Variants in TIAM1 observed in about 807,000 individuals in gnomAD.
TIAM1 encodes the protein TIAM Rac1 associated GEF 1, also known as rho guanine nucleotide exchange factor TIAM1.
Under a neutral mutation model 163.5 loss-of-function variants are expected in TIAM1, and 65 were observed. That is an observed-to-expected ratio of 0.40 (90% confidence interval 0.33 to 0.49). The LOEUF (loss-of-function observed/expected upper bound fraction) is 0.49, where lower values mean the gene tolerates loss of function less well. Ranked by LOEUF, TIAM1 falls within the 20% of genes least tolerant of loss-of-function variation. The pLI is 0.77. For missense variants in TIAM1, 1,789 were observed against 2,044.7 expected, an observed-to-expected ratio of 0.87 and a Z score of 2.41; for synonymous variants, 833 against 810.1, an observed-to-expected ratio of 1.03 and a Z score of -0.48.
At chr21:31,235,149 G>C (rs1367797333) in intron 6 of TIAM1, among the ~76,000 whole-genome samples, 2 of 152,118 alleles carry the variant, frequency 1.3e-5, no homozygotes, top group Non-Finnish European at 2.9e-5. Flanking sequence ...ATGTGCCAGG[G>C]GAGGGCAGGC....
chr21:31,372,871 C>G (rs2076619698), intron 2 of TIAM1, among the ~76,000 whole-genome samples: 1 of 151,930 alleles, frequency 6.6e-6, no homozygotes, highest in Admixed American at 6.5e-5. Context: ...GCTTGACCAA[C>G]ATGAAGAAAC....
chr21:31,403,314 A>AT (rs1473367964), intron 2 of TIAM1, among the ~76,000 whole-genome samples: 1 of 151,974 alleles, frequency 6.6e-6, no homozygotes, highest in Non-Finnish European at 1.5e-5. Context: ...CACCCGGCTA[A>AT]TTTTTTGTAT....
intron 15 of TIAM1, among the ~76,000 whole-genome samples, chr21:31,179,894 A>G (rs956650654): frequency 8.7e-4 from 131 of 150,518 alleles, no homozygotes; most frequent in African/African-American, 3.1e-3. Context: ...GTACATATAC[A>G]TACACAGATT....
At chr21:31,375,488 G>C (rs1277636707) in intron 2 of TIAM1, among the ~76,000 whole-genome samples, 2 of 368 alleles carry the variant, frequency 5.4e-3, no homozygotes, top group Non-Finnish European at 0.011. Context: ...TTTCCCCTTC[G>C]TCCACCTTTC....
chr21:31,485,643 C>G (rs749221515), intron 1 of TIAM1, among the ~76,000 whole-genome samples: 1 of 152,148 alleles, frequency 6.6e-6, no homozygotes, highest in Non-Finnish European at 1.5e-5. Context: ...TCAGAGACAG[C>G]CTGCCCTCTA....
intron 15 of TIAM1, among the ~76,000 whole-genome samples, chr21:31,167,440 A>G (rs1182595793): frequency 6.6e-6 from 1 of 152,204 alleles, no homozygotes; most frequent in Non-Finnish European, 1.5e-5. Context: ...GCAAACAAAT[A>G]AATCTACAAA....
At chr21:31,513,980 C>G (rs2047298120) in intron 1 of TIAM1, among the ~76,000 whole-genome samples, 1 of 152,140 alleles carries the variant, frequency 6.6e-6, no homozygotes, top group African/African-American at 2.4e-5. Context: ...GCACTCCAGC[C>G]TGAGCAACAA....
At chr21:31,501,367 T>C (rs1785704464) in intron 1 of TIAM1, among the ~76,000 whole-genome samples, 1 of 151,928 alleles carries the variant, frequency 6.6e-6, no homozygotes, top group Non-Finnish European at 1.5e-5. Flanking sequence ...CACAGGTCAA[T>C]CAGGATGGAA....
chr21:31,285,050 TA>T (rs1236130365), intron 2 of TIAM1, among the ~76,000 whole-genome samples: 3 of 152,186 alleles, frequency 2.0e-5, no homozygotes, highest in Non-Finnish European at 4.4e-5. Context: ...TGGCTTCCCC[TA>T]ACCTGTTCCC....
chr21:31,499,735 A>G (rs2046786663), intron 1 of TIAM1, among the ~76,000 whole-genome samples: 1 of 152,020 alleles, frequency 6.6e-6, no homozygotes, highest in African/African-American at 2.4e-5. Flanking sequence ...CTGTAATCCC[A>G]CCTACTCAGG....
At chr21:31,359,532 C>T (rs1288980136) in intron 2 of TIAM1, among the ~76,000 whole-genome samples, 6 of 152,146 alleles carry the variant, frequency 3.9e-5, no homozygotes, top group Non-Finnish European at 8.8e-5. Flanking sequence ...TGGTGGCTCA[C>T]GCTTGTAATC....
At chr21:31,490,164 T>C (rs2046417913) in intron 1 of TIAM1, among the ~76,000 whole-genome samples, 2 of 151,668 alleles carry the variant, frequency 1.3e-5, no homozygotes, top group African/African-American at 4.9e-5. Flanking sequence ...GTTATTATTC[T>C]TGTTAACTCA....
chr21:31,371,868 G>A lies in TIAM1; in HGVS notation c.-368-32446C>T, dbSNP rs139169566. Reference sequence around the variant, plus strand: ...TCAGACTCATTCACCCCTTCAGCCCGGCTGAGTCAAAGGAAATTCTCAAGG... The same window carrying A: ...TCAGACTCATTCACCCCTTCAGCCCAGCTGAGTCAAAGGAAATTCTCAAGG... On this transcript the variant is annotated intron_variant, in intron 2 of 28. Transcript: ENST00000286827. 9.2e-5 allele frequency among the ~76,000 whole-genome samples: 14 copies of A among 152,246 alleles called. No individual in the cohort carries two copies. The East Asian group carries it at 2.3e-3, about 25-fold the overall frequency.
rs1276121221 is a variant in TIAM1 at position 31,276,762 on chromosome 21, C to G, written c.-42G>C. ...AAGGCAACAGTGGTCCCCAGCCCAA[C>G]TTGCTCCAAGAGCACTGTGGCATTT... On this transcript the variant is annotated 5_prime_UTR_variant, in exon 3 of 28. Transcript: ENST00000541036. 2 of 152,238 alleles carry G rather than the reference C, an allele frequency of 1.3e-5. No homozygotes were observed. Among genetic ancestry groups the G allele is most frequent in the Non-Finnish European group, 2.9e-5 (2 of 68,054 alleles). 9.4% of individuals were successfully genotyped at this position (152,238 alleles called of 1,614,324 possible).
intron 2 of TIAM1, among the ~76,000 whole-genome samples, chr21:31,286,552 TA>T (rs568607458): frequency 2.4e-4 from 35 of 147,706 alleles, no homozygotes; most frequent in Middle Eastern, 6.9e-3. Context: ...TAAAAGCAAT[TA>T]AAAAAAAAAA....
intron 1 of TIAM1, among the ~76,000 whole-genome samples, chr21:31,507,179 ATTTTTTTTTTTTTTTTTTTTTTTTTTTTT>A (rs572356384): frequency 4.5e-5 from 2 of 44,540 alleles, no homozygotes; most frequent in Non-Finnish European, 7.8e-5. Flanking sequence ...CACCTTTTTA[ATTTTTTTTTTTTTTTTTTTTTTTTTTTTT>A]TTTTTTTTTT....
At chr21:31,303,353 T>A (rs1481524200) in intron 2 of TIAM1, among the ~76,000 whole-genome samples, 1 of 152,194 alleles carries the variant, frequency 6.6e-6, no homozygotes, top group Non-Finnish European at 1.5e-5. Flanking sequence ...TCAGCATTAA[T>A]TGAGCATGAT....
At position 31,396,678 on chromosome 21, in the gene TIAM1, G is replaced by A. The variant is rs139035789; in HGVS notation, c.-368-57256C>T. Among the ~76,000 whole-genome samples the A allele has an allele frequency of 9.1e-3, 1,381 of 151,084 alleles. 32 individuals are homozygous for A. Among genetic ancestry groups the A allele is most frequent in the East Asian group, 0.011 (58 of 5,170 alleles). On this transcript the variant is annotated intron_variant, in intron 2 of 28. Coordinates refer to the TIAM1 transcript ENST00000286827. ...TAAAACAAAATATTGGGCCAGGCGC[G>A]GTGGCTCATGCCTGTAATGCCAGCA...
chr21:31,232,704 G>A lies in TIAM1; in HGVS notation c.1585-6754C>T, dbSNP rs559319724. Among the ~76,000 whole-genome samples the A allele has an allele frequency of 3.1e-4, 47 of 152,200 alleles. 2 individuals are homozygous for A. Among genetic ancestry groups the A allele is most frequent in the South Asian group, 8.3e-4 (4 of 4,818 alleles). On this transcript the variant is annotated intron_variant, in intron 6 of 27. Transcript: ENST00000541036. ...TAACCTTGCCTCCCCTTCTTGAACC[G>A]GGCAAGGTTAGTTAGGGACATCAGA...
Sources: gnomAD v4.1 joint callset for allele counts (sites outside exome capture counted in the v4.1 genomes callset) on GRCh38, gnomAD v4.1.1 for gene constraint, MANE v1.5 for transcripts, NCBI Gene and HGNC (gene_info 2026-07-23, HGNC 2026-07-21) for gene names.